ZFYVE16: variants seen among roughly 807,000 people sequenced by gnomAD.
The protein encoded by ZFYVE16 is zinc finger FYVE-type containing 16, also known as zinc finger FYVE domain-containing protein 16.
ZFYVE16 carries 89 observed loss-of-function variants against 138.1 expected under a neutral mutation model. The ratio of observed to expected loss-of-function variants is 0.64; its 90% CI spans 0.54 to 0.77. The LOEUF (loss-of-function observed/expected upper bound fraction) is 0.77. ZFYVE16 is among the 30% of genes least tolerant of loss of function. The pLI is 0.00. For missense variants in ZFYVE16, 1,793 were observed against 1,786.7 expected (o/e 1.00, Z -0.06); for synonymous variants, 596 against 618.3 (o/e 0.96, Z 0.53).
Position 80,434,205 on chromosome 5 carries a change from G to C in ZFYVE16, c.58G>C (p.Glu20Gln). 1 of 1,613,266 alleles carries C rather than the reference G, an allele frequency of 6.2e-7. No homozygotes were observed. Among genetic ancestry groups the C allele is most frequent in the Non-Finnish European group, 8.5e-7 (1 of 1,179,516 alleles). Residue 20 changes from glutamate to glutamine, a missense_variant, in exon 3 of 19, where the codon GAA (glutamate) becomes CAA (glutamine). Coordinates refer to ENST00000505560, the MANE Select transcript of ZFYVE16 (RefSeq NM_001284236.3). The stretch of plus-strand genomic sequence containing the variant: ...CTTGGACAAACTCCTTGATGATTTT[G>C]AACAGAACCCAGGTTTGTTGATTTT... ...SDLDKLLDDF[E>Q]QNPDEQDYLQ...
At chr5:80,435,060 A>T (rs1349299551) in intron 3 of ZFYVE16, among the ~76,000 whole-genome samples, 1 of 149,848 alleles carries the variant, frequency 6.7e-6, no homozygotes, top group East Asian at 2.0e-4. Flanking sequence ...TCTGAGACGG[A>T]GTCTCACTCT....
At chr5:80,468,567 G>A (rs1482862695) in intron 15 of ZFYVE16, among the ~76,000 whole-genome samples, 1 of 152,184 alleles carries the variant, frequency 6.6e-6, no homozygotes, top group Admixed American at 6.5e-5. Flanking sequence ...TGGGACTGCT[G>A]TTGTATATGT....
Position 80,438,007 on chromosome 5 carries a change from G to C in ZFYVE16, c.1322G>C (p.Ser441Thr). 6.2e-7 allele frequency: 1 copy of C among 1,614,038 alleles called. No individual in the cohort carries two copies. Among genetic ancestry groups the C allele is most frequent in the South Asian group, 1.1e-5 (1 of 91,070 alleles). ...CTTTTGAAACAGGAAAAATGTAAAA[G>C]CATACTCCTTCAGTCATTAATTGAA... ...NDLLKQEKCK[S>T]ILLQSLIEGM... The change falls in exon 4 of 19, where the codon AGC becomes ACC. Residue 441 changes from serine (S) to threonine (T), a missense_variant. This residue lies in a region of ZFYVE16 where 1,295 missense variants were observed against 1,204.3 expected (regional missense o/e 1.08). Transcript: ENST00000505560.
intron 1 of ZFYVE16, among the ~76,000 whole-genome samples, chr5:80,410,635 A>T (rs2112119034): frequency 6.6e-6 from 1 of 151,770 alleles, no homozygotes; most frequent in South Asian, 2.1e-4. Context: ...CAGTGGCGTG[A>T]TCTCGGCTCA....
rs1372757293 is a variant in ZFYVE16, at chr5:80,437,122, T to C, written c.437T>C (p.Ile146Thr). Residue 146 changes from isoleucine to threonine, a missense_variant, in exon 4 of 19, where the codon ATT (isoleucine) becomes ACT (threonine). Ile to Thr is a moderately conservative substitution (Grantham distance 89). Transcript: ENST00000505560. ...CATGCAACCAATAGTGAAGAAGATA[T>C]TAAAAAATTATTGCCAGATGATTTT... ...LVHATNSEED[I>T]KKLLPDDFKS... is the part of the protein sequence containing the mutation. 7 of 1,613,806 alleles carry C rather than the reference T, an allele frequency of 4.3e-6. No homozygotes were observed. Among genetic ancestry groups the C allele is most frequent in the South Asian group, 1.1e-5 (1 of 91,066 alleles).
At chr5:80,451,129 A>T (rs575324746) in intron 10 of ZFYVE16, among the ~76,000 whole-genome samples, 2 of 152,214 alleles carry the variant, frequency 1.3e-5, no homozygotes, top group Admixed American at 1.3e-4. Context: ...TTGATTTTTC[A>T]GTGTATCTAT....
At chr5:80,457,238 A>G in intron 14 of ZFYVE16, 146 bp downstream of exon 14, 1 of 1,224,356 alleles carries the variant, frequency 8.2e-7, no homozygotes, top group African/African-American at 1.6e-5. Flanking sequence ...TACACAACAG[A>G]TTTTAAAATT....
chr5:80,453,140 G>A (rs1752162277), intron 11 of ZFYVE16, among the ~76,000 whole-genome samples: 1 of 152,140 alleles, frequency 6.6e-6, no homozygotes, highest in Admixed American at 6.5e-5. Context: ...GAGAGAAAGA[G>A]AGAATCTATT....
chr5:80,426,272 GTA>G (rs200176812), intron 1 of ZFYVE16, among the ~76,000 whole-genome samples: 2,641 of 26,084 alleles, frequency 0.1, 34 homozygotes, highest in Middle Eastern at 0.21. Flanking sequence ...GTGTGTGTGT[GTA>G]TATATATATA....
intron 1 of ZFYVE16, among the ~76,000 whole-genome samples, chr5:80,418,664 A>G (rs972893032): frequency 1.3e-5 from 2 of 152,110 alleles, no homozygotes; most frequent in Admixed American, 1.3e-4. Context: ...AGTTTTAGAT[A>G]CAAGTCCTTA....
intron 1 of ZFYVE16, among the ~76,000 whole-genome samples, chr5:80,409,470 A>G (rs1349788279): frequency 2.0e-5 from 3 of 152,220 alleles, no homozygotes; most frequent in South Asian, 4.1e-4. Context: ...CATTTTGGAA[A>G]TTAAAACTCA....
At chr5:80,453,091 C>T (rs931999413) in intron 11 of ZFYVE16, among the ~76,000 whole-genome samples, 4 of 152,006 alleles carry the variant, frequency 2.6e-5, no homozygotes, top group African/African-American at 9.7e-5. Flanking sequence ...TGTTGAGAAG[C>T]TATAAAAGTG....
In ZFYVE16 at chr5:80,437,513, C is replaced by T. The variant is rs1172383078; in HGVS notation, c.828C>T (p.Gly276=). The change falls in exon 4 of 19, where the codon GGC becomes GGT. Residue 276 remains glycine, a synonymous_variant. Coordinates refer to ENST00000505560, the MANE Select transcript of ZFYVE16 (RefSeq NM_001284236.3). ...SQPCGLLKDV[G]LVKEEVDVAV... ...CATGTGGATTACTAAAAGATGTTGG[C>T]TTAGTAAAAGAGGAAGTAGATGTGG... The T allele has an allele frequency of 6.2e-7, 1 of 1,613,112 alleles. No homozygotes were observed. Among genetic ancestry groups the T allele is most frequent in the East Asian group, 2.2e-5 (1 of 44,884 alleles).
intron 1 of ZFYVE16, among the ~76,000 whole-genome samples, chr5:80,418,809 C>T (rs1282004778): frequency 6.6e-6 from 1 of 152,038 alleles, no homozygotes; most frequent in African/African-American, 2.4e-5. Flanking sequence ...GATCATGGTA[C>T]TGGTATTGTA....
intron 11 of ZFYVE16, chr5:80,453,930 A>G (rs541088491): frequency 6.6e-6 from 1 of 152,348 alleles, no homozygotes; most frequent in East Asian, 1.9e-4. Context: ...CTCAGATAGT[A>G]TGTCATTCTA....
chr5:80,482,714 T>A lies in ZFYVE16; in HGVS notation c.*5337T>A, dbSNP rs1755315228. 1 of 152,138 alleles carries A rather than the reference T, an allele frequency of 6.6e-6. No individual in the cohort carries two copies. Among genetic ancestry groups the A allele is most frequent in the African/African-American group, 2.4e-5 (1 of 41,424 alleles). The allele number at this position is 152,138 out of a possible 1,614,324, so 9.4% of individuals were successfully genotyped here. On this transcript the variant is annotated 3_prime_UTR_variant, in exon 19 of 19. Transcript: ENST00000505560. ...CTTTGTATATAGGAGAACCAAAGAT[T>A]TCAGTGATGGCAGATTTCTCATCAG... is the stretch of plus-strand genomic sequence containing the variant.
chr5:80,480,321 C>A lies in ZFYVE16; in HGVS notation c.*2944C>A, dbSNP rs1352582792. ...TACAAGAATATACATAAAAACTGCACTTTAAAACTCAGTAAATAGATGTAA... is the reference window on the plus strand; with the variant it reads ...TACAAGAATATACATAAAAACTGCAATTTAAAACTCAGTAAATAGATGTAA... On this transcript the variant is annotated 3_prime_UTR_variant, in exon 19 of 19. Transcript: ENST00000505560. Among the ~76,000 whole-genome samples the A allele has an allele frequency of 6.6e-6, 1 of 152,034 alleles. No homozygotes were observed. The highest frequency in any genetic ancestry group is 6.6e-5 in the Admixed American group (1 of 15,256).
chr5:80,450,997 AG>A (rs1435461312), intron 10 of ZFYVE16, among the ~76,000 whole-genome samples: 2 of 151,978 alleles, frequency 1.3e-5, no homozygotes, highest in African/African-American at 4.8e-5. Flanking sequence ...TTTTTAGTAG[AG>A]GCAAGGTTTC....
At chr5:80,428,534 TA>T (rs1416927416) in intron 2 of ZFYVE16, among the ~76,000 whole-genome samples, 1 of 152,186 alleles carries the variant, frequency 6.6e-6, no homozygotes, top group Non-Finnish European at 1.5e-5. Context: ...CTGAAAATTC[TA>T]AAAATCAGAG....
Sources: gnomAD v4.1 joint callset for allele counts (sites outside exome capture counted in the v4.1 genomes callset) on GRCh38, gnomAD v4.1.1 for gene constraint, gnomAD v4.1.1 regional missense constraint, MANE v1.5 for transcripts, NCBI Gene and HGNC (gene_info 2026-07-23, HGNC 2026-07-21) for gene names.